Variants in PKD1 observed in about 807,000 individuals in gnomAD.
PKD1 encodes polycystin 1, transient receptor potential channel interacting, also known as polycystin-1.
PKD1 carries 81 observed loss-of-function variants against 361.7 expected under a neutral mutation model. The ratio of observed to expected loss-of-function variants is 0.22; its 90% confidence interval spans 0.19 to 0.27. PKD1 has a LOEUF of 0.27. Among genes scored for constraint, PKD1 ranks in the 10% least tolerant of loss-of-function variants. The pLI is 1.00. For missense variants in PKD1, 6,399 were observed against 6,118.3 expected (o/e 1.05, Z -1.53); for synonymous variants, 3,615 against 2,818.3 (o/e 1.28, Z -8.95).
In PKD1 at chr16:2,109,413, G is replaced by A. The variant is rs762329203; in HGVS notation, c.5754C>T (p.Thr1918=). The A allele has an allele frequency of 5.6e-6, 9 of 1,602,020 alleles. No homozygotes were observed. The highest frequency in any genetic ancestry group is 5.5e-5 in the South Asian group (5 of 90,944). The part of the protein sequence containing the change: ...QILLAAGSAV[T]FRLQVGGANP... ...TGGCCCCGCCGACCTGCAGGCGGAA[G>A]GTGACAGCTGAGCCGGCAGCCAGCA... The change falls in exon 15 of 46, where the codon ACC becomes ACT. Residue 1918 remains threonine (T), a synonymous_variant. Transcript: ENST00000262304.
intron 30 of PKD1, chr16:2,098,690 C>A (rs139966785): frequency 0.039 from 5,640 of 145,148 alleles, 144 homozygotes; most frequent in Non-Finnish European, 0.054. Context: ...GGTGCGGCCT[C>A]CCGTTTCCGT....
rs1351260237 is a variant in PKD1, at chr16:2,105,952, G to A, written c.7776C>T (p.Thr2592=). 31 of 1,599,190 alleles carry A rather than the reference G, an allele frequency of 1.9e-5. No homozygotes were observed. Among genetic ancestry groups the A allele is most frequent in the Middle Eastern group, 4.5e-4 (2 of 4,450 alleles). The change falls in exon 20 of 46, where the codon ACC becomes ACT. Residue 2592 remains threonine (T), a synonymous_variant. Transcript: ENST00000262304. ...GCAGCAGCCCTGGGAGCACACTAGCGGTGAGCCCGTGCAGCCAGACTGTGA... is the reference window on the plus strand; with the variant it reads ...GCAGCAGCCCTGGGAGCACACTAGCAGTGAGCCCGTGCAGCCAGACTGTGA... ...TGLTVWLHGL[T]ASVLPGLLRQ...
Position 2,097,421 on chromosome 16 carries a change from G to T in PKD1, c.10303C>A (p.Arg3435=). ...SDPSIVGSNL[R]QLARGQAGHG... ...CCCGCCTGGCCCCGTGCCAGCTGCCGCAGATTGCTACCCACAATGGACGGG... is the reference window on the plus strand; with the variant it reads ...CCCGCCTGGCCCCGTGCCAGCTGCCTCAGATTGCTACCCACAATGGACGGG... The change falls in exon 33 of 46, where the codon CGG becomes AGG. Residue 3435 remains arginine, a synonymous_variant. Coordinates refer to ENST00000262304, the MANE Select transcript of PKD1 (RefSeq NM_001009944.3). 6.2e-7 allele frequency: 1 copy of T among 1,608,714 alleles called. No homozygotes were observed. Among genetic ancestry groups the T allele is most frequent in the Non-Finnish European group, 8.5e-7 (1 of 1,179,900 alleles).
intron 21 of PKD1, 28 bp from the exon 22 acceptor site, chr16:2,104,670 C>T (rs532733380): frequency 3.1e-4 from 425 of 1,363,480 alleles, no homozygotes; most frequent in Non-Finnish European, 4.1e-4. Flanking sequence ...TGTCCAGCCC[C>T]GCTCCTGGCC....
intron 41 of PKD1, 21 bp downstream of exon 41, chr16:2,091,760 G>A (rs374264641): frequency 1.9e-4 from 298 of 1,609,276 alleles, no homozygotes; most frequent in South Asian, 4.5e-4. Flanking sequence ...CCCCGGAGAG[G>A]GCAGGGGAGG....
intron 20 of PKD1, 94 bp downstream of exon 20, chr16:2,105,771 G>C (rs1220325295): frequency 7.1e-7 from 1 of 1,414,878 alleles, no homozygotes; most frequent in Non-Finnish European, 9.8e-7. Flanking sequence ...TGGGGCCCGG[G>C]ATGAGCCCTC....
At chr16:2,105,031 GGGGGA>G (rs1231334105) in intron 21 of PKD1, among the ~76,000 whole-genome samples, 39 of 75,036 alleles carry the variant, frequency 5.2e-4, no homozygotes, top group Admixed American at 1.3e-3. Flanking sequence ...GGGGAGGGAA[GGGGGA>G]GGGGAGGGGA....
intron 1 of PKD1, chr16:2,120,048 C>T: frequency 1.7e-6 from 1 of 588,868 alleles, no homozygotes; most frequent in Non-Finnish European, 3.0e-6. Context: ...CCCGTATCTA[C>T]AAAAAATACA....
At chr16:2,127,619 G>A (rs1055967369) in intron 1 of PKD1, among the ~76,000 whole-genome samples, 2 of 151,936 alleles carry the variant, frequency 1.3e-5, no homozygotes, top group Non-Finnish European at 2.9e-5. Context: ...AACCCCTGAG[G>A]GAACCGACAG....
chr16:2,118,224 G>C lies in PKD1; in HGVS notation c.768C>G (p.Ala256=). 2.6e-6 allele frequency: 4 copies of C among 1,532,000 alleles called. No individual in the cohort carries two copies. Among genetic ancestry groups the C allele is most frequent in the Non-Finnish European group, 3.5e-6 (4 of 1,141,730 alleles). The allele number at this position is 1,532,000 out of a possible 1,614,324, so 94.9% of individuals were successfully genotyped here. The change falls in exon 5 of 46, where the codon GCC becomes GCG. Residue 256 remains alanine (A), a synonymous_variant. Coordinates refer to ENST00000262304, the MANE Select transcript of PKD1 (RefSeq NM_001009944.3). This position sits in a 1 kb window ranked among gnomAD's most constrained non-coding sequence, Gnocchi z 6.0. ...SLCSGPPPPP[A]PTCRGPTLLQ... ...GGAGGGTGGGGCCCCTACAGGTGGGGGCAGGAGGTGGCGGGGGGCCGGAGC... is the reference window on the plus strand; with the variant it reads ...GGAGGGTGGGGCCCCTACAGGTGGGCGCAGGAGGTGGCGGGGGGCCGGAGC...
rs756473723 is a variant in PKD1 at position 2,091,136 on chromosome 16, G to T, written c.11751C>A (p.Ala3917=). The T allele has an allele frequency of 2.7e-6, 4 of 1,482,920 alleles. No homozygotes were observed. The highest frequency in any genetic ancestry group is 2.9e-5 in the African/African-American group (2 of 68,178). 91.9% of individuals were successfully genotyped at this position (1,482,920 alleles called of 1,614,324 possible). Residue 3917 remains alanine, a synonymous_variant, in exon 43 of 46, where the codon GCC becomes GCA. Coordinates refer to ENST00000262304, the MANE Select transcript of PKD1 (RefSeq NM_001009944.3). Reference sequence around the variant, plus strand: ...CTTCCCTGTGCCAAGTACGGGCCTCGGCCACGGCGAAGTGCACGGCGAACA... The same window carrying T: ...CTTCCCTGTGCCAAGTACGGGCCTCTGCCACGGCGAAGTGCACGGCGAACA... ...LLLFAVHFAV[A]EARTWHREGR...
chr16:2,123,874 G>A (rs2092759515), intron 1 of PKD1, among the ~76,000 whole-genome samples: 1 of 152,190 alleles, frequency 6.6e-6, no homozygotes, highest in African/African-American at 2.4e-5. Context: ...GTGCTCCCAG[G>A]GAAGCTGAAG....
At position 2,117,604 on chromosome 16, in the gene PKD1, C is replaced by T. The variant is rs1054860721; in HGVS notation, c.1270G>A (p.Val424Met). ...PGNGHCYRLV[V>M]EKAAWLQAQE... ...GCCTGCAGCCAGGCCGCCTTCTCCA[C>T]CACCAGGCGGTAGCAGTGCCCGTTG... is the stretch of plus-strand genomic sequence containing the variant. Residue 424 changes from valine (V) to methionine (M), a missense_variant, in exon 6 of 46, where the codon GTG becomes ATG. Physicochemically the swap from Val to Met is conservative, Grantham distance 21 (BLOSUM62 1). Transcript: ENST00000262304. The T allele has an allele frequency of 3.1e-6, 5 of 1,610,056 alleles. No individual in the cohort carries two copies. Among genetic ancestry groups the T allele is most frequent in the Non-Finnish European group, 4.2e-6 (5 of 1,179,392 alleles).
intron 1 of PKD1, among the ~76,000 whole-genome samples, chr16:2,123,851 C>T (rs545392606): frequency 3.3e-4 from 51 of 152,284 alleles, no homozygotes; most frequent in African/African-American, 1.1e-3. Flanking sequence ...GATGGGTGCC[C>T]GAGGGCCAGG....
At chr16:2,127,250 GAAC>G in intron 1 of PKD1, among the ~76,000 whole-genome samples, 1 of 152,348 alleles carries the variant, frequency 6.6e-6, no homozygotes, top group East Asian at 1.9e-4. Context: ...TACGTCAAAA[GAAC>G]AAAAGGAGTG....
At position 2,100,665 on chromosome 16, in the gene PKD1, G is replaced by A; in HGVS notation, c.9398-99C>T. The A allele has an allele frequency of 9.7e-7, 1 of 1,032,422 alleles. No individual in the cohort carries two copies. The highest frequency in any genetic ancestry group is 1.5e-6 in the Non-Finnish European group (1 of 679,632). The allele number at this position is 1,032,422 out of a possible 1,614,324, so 64.0% of individuals were successfully genotyped here. ...CAGCTTTGGCCTGTGCGCACTCAAGGAGCCACACAGGCAGTCCCGGCTTTG... is the reference window on the plus strand; with the variant it reads ...CAGCTTTGGCCTGTGCGCACTCAAGAAGCCACACAGGCAGTCCCGGCTTTG... On this transcript the variant is annotated intron_variant, in intron 26 of 45. Coordinates refer to ENST00000262304, the MANE Select transcript of PKD1 (RefSeq NM_001009944.3). The surrounding 1 kb of genome is among the most constrained non-coding windows in gnomAD (Gnocchi z 4.4).
rs1165052169 is a variant in PKD1 at position 2,099,567 on chromosome 16, G to T, written c.10050+77C>A. ...GCCTTTCCCTCTGGCTGCAGCACTG[G>T]AAAGTGGCGGCCCTAGGCATGGTGC... On this transcript the variant is annotated intron_variant, in intron 30 of 45. Coordinates refer to ENST00000262304, the MANE Select transcript of PKD1 (RefSeq NM_001009944.3). 5.6e-6 allele frequency: 8 copies of T among 1,425,820 alleles called. No homozygotes were observed. In the East Asian group the frequency reaches 7.4e-5, roughly 13 times the overall value. The allele number at this position is 1,425,820 out of a possible 1,614,324, so 88.3% of individuals were successfully genotyped here.
At chr16:2,092,933 C>T (rs2091665504) in intron 38 of PKD1, 21 bp downstream of exon 38, 1 of 1,612,854 alleles carries the variant, frequency 6.2e-7, no homozygotes, top group Non-Finnish European at 8.5e-7. Context: ...GAAGACAGAC[C>T]AGTGCACCGG....
In PKD1 at chr16:2,103,833, C is replaced by T. The variant is rs202159463; in HGVS notation, c.8224G>A (p.Glu2742Lys). ...GACGCCACCATCCGAGATGGTGACT[C>T]GGCTCCCAGCTCTGAGGGCTGTGGT... Reference protein sequence around the residue: ...RAPQPSELGAESPSRMVASQA... With the variant: ...RAPQPSELGAKSPSRMVASQA... Residue 2742 changes from glutamate to lysine, a missense_variant, in exon 23 of 46, where the codon GAG (glutamate) becomes AAG (lysine). Glu to Lys is a moderately conservative substitution (Grantham distance 56). Coordinates refer to ENST00000262304, the MANE Select transcript of PKD1 (RefSeq NM_001009944.3). 206 of 1,607,448 alleles carry T rather than the reference C, an allele frequency of 1.3e-4. No homozygotes were observed. Among genetic ancestry groups the T allele is most frequent in the East Asian group, 6.5e-4 (29 of 44,580 alleles).
Sources: allele counts gnomAD v4.1 joint callset (sites outside exome capture counted in the v4.1 genomes callset), GRCh38; gene constraint gnomAD v4.1.1; non-coding constraint Gnocchi (gnomAD v3.1); transcripts MANE v1.5; gene names NCBI Gene and HGNC (gene_info 2026-07-23, HGNC 2026-07-21).